Variants in LPCAT1 observed in about 807,000 individuals in gnomAD.
LPCAT1 encodes 1-acylglycerol-3-phosphate O-acyltransferase.
In LPCAT1, 23 loss-of-function variants were observed where a neutral mutation model predicts 60.9. The observed-to-expected ratio is 0.38, with a 90% CI of 0.27 to 0.53. The LOEUF is 0.53. Among genes scored for constraint, LPCAT1 ranks in the 20% least tolerant of loss-of-function variants. The pLI is 0.82. For synonymous variants in LPCAT1, 340 were observed against 301.1 expected (o/e 1.13, Z -1.34); for missense variants, 622 against 723.6 (o/e 0.86, Z 1.61).
rs1736036177 is a variant in LPCAT1 at position 1,502,037 on chromosome 5, G to A, written c.136-434C>T. ...GACCGGCACTGACCAAGGCTGACCG[G>A]TGCTGATGCCGACCAGCCCTCACCA... On this transcript the variant is annotated intron_variant, in intron 1 of 13. Transcript: ENST00000283415. This position sits in a 1 kb window ranked among gnomAD's most constrained non-coding sequence, Gnocchi z 5.5. Among the ~76,000 whole-genome samples the A allele has an allele frequency of 6.6e-6, 1 of 152,222 alleles. No homozygotes were observed. Among genetic ancestry groups the A allele is most frequent in the Non-Finnish European group, 1.5e-5 (1 of 68,020 alleles).
intron 6 of LPCAT1, among the ~76,000 whole-genome samples, chr5:1,482,256 C>CCTGAGCT (rs1735175763): frequency 6.6e-6 from 1 of 151,396 alleles, no homozygotes; most frequent in African/African-American, 2.4e-5. Context: ...AAATGAATGC[C>CCTGAGCT]CTGAGCTCGG....
chr5:1,483,407 C>A lies in LPCAT1; in HGVS notation c.726+21G>T. 1 of 1,613,420 alleles carries A rather than the reference C, an allele frequency of 6.2e-7. No homozygotes were observed. Among genetic ancestry groups the A allele is most frequent in the South Asian group, 1.1e-5 (1 of 91,080 alleles). ...CCCGGAGAATTCCCCTGGAAGCTGA[C>A]CCCAAAAAAACACAACTCACCAGTT... On this transcript the variant is annotated intron_variant, in intron 6 of 13. Coordinates refer to ENST00000283415, the MANE Select transcript of LPCAT1 (RefSeq NM_024830.5). The surrounding 1 kb of genome is among the most constrained non-coding windows in gnomAD (Gnocchi z 9.2).
rs974264801 is a variant in LPCAT1 at position 1,495,121 on chromosome 5, C to A, written c.279-207G>T. Reference sequence around the variant, plus strand: ...CGCCTGTGTCCTCGCTGGCTGCGCTCTCACCTACGAAGGAGGCCGCGGGGC... The same window carrying A: ...CGCCTGTGTCCTCGCTGGCTGCGCTATCACCTACGAAGGAGGCCGCGGGGC... On this transcript the variant is annotated intron_variant, in intron 2 of 13. Transcript: ENST00000283415. The surrounding 1 kb of genome is among the most constrained non-coding windows in gnomAD (Gnocchi z 4.7). Among the ~76,000 whole-genome samples the A allele has an allele frequency of 2.6e-5, 4 of 152,220 alleles. No individual in the cohort carries two copies. The highest frequency in any genetic ancestry group is 5.9e-5 in the Non-Finnish European group (4 of 68,040).
intron 5 of LPCAT1, among the ~76,000 whole-genome samples, chr5:1,485,721 C>T (rs1427920299): frequency 6.6e-6 from 1 of 151,442 alleles, no homozygotes; most frequent in Non-Finnish European, 1.5e-5. Context: ...GAGGCCGCTG[C>T]GGCCCAGGGA....
At position 1,523,819 on chromosome 5, in the gene LPCAT1, CG is replaced by C; in HGVS notation, c.25del (p.Arg9GlyfsTer41). On this transcript the variant is annotated frameshift_variant, in exon 1 of 14. Coordinates refer to ENST00000283415, the MANE Select transcript of LPCAT1 (RefSeq NM_024830.5). LOFTEE classifies it high-confidence loss of function. The surrounding 1 kb of genome is among the most constrained non-coding windows in gnomAD (Gnocchi z 7.1). ...CCCTGCGCTGGAGGCAGGGGCGGCC[CG>C]GGGTCCGCATCCCCGCAGCCTCATG... Reference protein sequence around the residue: MRLRGCGPRAAPASSAGAS... With the variant: MRLRGCGPXAAPASSAGAS... 2.8e-6 allele frequency: 3 copies of C among 1,086,764 alleles called. No homozygotes were observed. The highest frequency in any genetic ancestry group is 5.6e-5 in the East Asian group (1 of 17,762). 67.3% of individuals were successfully genotyped at this position (1,086,764 alleles called of 1,614,324 possible).
At chr5:1,470,114 G>T (rs1466023853) in intron 12 of LPCAT1, among the ~76,000 whole-genome samples, 2 of 152,270 alleles carry the variant, frequency 1.3e-5, no homozygotes, top group Non-Finnish European at 2.9e-5. Flanking sequence ...TCAGGCCCTT[G>T]AGAGTCTGGC....
chr5:1,483,664 C>A lies in LPCAT1; in HGVS notation c.668-178G>T, dbSNP rs552951050. 3.3e-4 allele frequency among the ~76,000 whole-genome samples: 51 copies of A among 152,358 alleles called. No homozygotes were observed. The highest frequency in any genetic ancestry group is 1.2e-3 in the African/African-American group (51 of 41,580). The stretch of plus-strand genomic sequence containing the variant: ...CTGTCCTGACCGTAAACACCCAGCG[C>A]CACAGCACGGATGGGCAGGAACATC... On this transcript the variant is annotated intron_variant, in intron 5 of 13. Transcript: ENST00000283415. This position sits in a 1 kb window ranked among gnomAD's most constrained non-coding sequence, Gnocchi z 9.2.
intron 8 of LPCAT1, among the ~76,000 whole-genome samples, chr5:1,479,324 G>C (rs1431767940): frequency 6.6e-6 from 1 of 152,244 alleles, no homozygotes; most frequent in Non-Finnish European, 1.5e-5. Flanking sequence ...CGAGGCTGCA[G>C]TGAGCCCATC....
In LPCAT1 at chr5:1,496,242, T is replaced by C. The variant is rs539492404; in HGVS notation, c.279-1328A>G. Among the ~76,000 whole-genome samples, 1 of 151,902 alleles carries C rather than the reference T, an allele frequency of 6.6e-6. No homozygotes were observed. Among genetic ancestry groups the C allele is most frequent in the African/African-American group, 2.4e-5 (1 of 41,338 alleles). The stretch of plus-strand genomic sequence containing the variant: ...TGGGCATGGTGGCAGGCGTCTGTAA[T>C]CCCAGCCACTCAGGAGGCTGAGGCA... On this transcript the variant is annotated intron_variant, in intron 2 of 13. Coordinates refer to ENST00000283415, the MANE Select transcript of LPCAT1 (RefSeq NM_024830.5). This position sits in a 1 kb window ranked among gnomAD's most constrained non-coding sequence, Gnocchi z 4.7.
At chr5:1,503,101 G>A (rs1031895025) in intron 1 of LPCAT1, among the ~76,000 whole-genome samples, 2 of 152,170 alleles carry the variant, frequency 1.3e-5, no homozygotes, top group East Asian at 3.9e-4. Flanking sequence ...CCAGTGGTCA[G>A]GTCAGCCTGT....
At position 1,521,258 on chromosome 5, in the gene LPCAT1, G is replaced by A. The variant is rs1736669017; in HGVS notation, c.135+2452C>T. 1.2e-6 allele frequency: 1 copy of A among 848,630 alleles called. No individual in the cohort carries two copies. Among genetic ancestry groups the A allele is most frequent in the Non-Finnish European group, 1.4e-6 (1 of 705,376 alleles). The allele number at this position is 848,630 out of a possible 1,614,324, so 52.6% of individuals were successfully genotyped here. A position where few individuals can be genotyped will look rare whatever the true frequency, so the allele number is the denominator to read the frequency against. On this transcript the variant is annotated intron_variant, in intron 1 of 13. Coordinates refer to ENST00000283415, the MANE Select transcript of LPCAT1 (RefSeq NM_024830.5). The surrounding 1 kb of genome is among the most constrained non-coding windows in gnomAD (Gnocchi z 4.3). ...TAAATGACAGATGGGCTGGCTGGAG[G>A]AGGAGGTGTCCCCGCATGGCGCTAA...
At chr5:1,488,489 G>A (rs372153630) in intron 4 of LPCAT1, 38 bp from the exon 5 acceptor site, 52 of 1,354,454 alleles carry the variant, frequency 3.8e-5, no homozygotes, top group Non-Finnish European at 5.0e-5. Context: ...GCATTAAACT[G>A]TACATAATTA....
chr5:1,504,870 G>A (rs2927664), intron 1 of LPCAT1, among the ~76,000 whole-genome samples: 2 of 148,702 alleles, frequency 1.3e-5, no homozygotes, highest in Non-Finnish European at 3.0e-5. Flanking sequence ...TCTGACCCTG[G>A]GGCCACGGCA....
Position 1,495,104 on chromosome 5 carries a change from T to C in LPCAT1, c.279-190A>G, listed in dbSNP as rs36994. Among the ~76,000 whole-genome samples, 23,392 of 152,092 alleles carry C rather than the reference T, an allele frequency of 0.15. 2,181 individuals carry two copies. Among genetic ancestry groups the C allele is most frequent in the African/African-American group, 0.26 (10,659 of 41,452 alleles). Reference sequence around the variant, plus strand: ...CGCGCCTTCCTGGCCTCCGCCTGTGTCCTCGCTGGCTGCGCTCTCACCTAC... The same window carrying C: ...CGCGCCTTCCTGGCCTCCGCCTGTGCCCTCGCTGGCTGCGCTCTCACCTAC... On this transcript the variant is annotated intron_variant, in intron 2 of 13. Coordinates refer to ENST00000283415, the MANE Select transcript of LPCAT1 (RefSeq NM_024830.5). This position sits in a 1 kb window ranked among gnomAD's most constrained non-coding sequence, Gnocchi z 4.7.
intron 9 of LPCAT1, among the ~76,000 whole-genome samples, chr5:1,475,443 C>T (rs551110803): frequency 1.8e-4 from 28 of 152,338 alleles, no homozygotes; most frequent in Middle Eastern, 6.8e-3. Flanking sequence ...GGGCCATCCC[C>T]GGCCTCTCCT....
intron 8 of LPCAT1, among the ~76,000 whole-genome samples, chr5:1,478,950 CT>C: frequency 6.6e-6 from 1 of 152,340 alleles, no homozygotes; most frequent in Non-Finnish European, 1.5e-5. Context: ...GGATCTTTGA[CT>C]ATGTATTAAA....
chr5:1,516,441 C>T lies in LPCAT1; in HGVS notation c.135+7269G>A, dbSNP rs994495321. Among the ~76,000 whole-genome samples, 5 of 152,300 alleles carry T rather than the reference C, an allele frequency of 3.3e-5. No individual in the cohort carries two copies. In the Middle Eastern group the frequency reaches 0.01, roughly 311 times the overall value. ...AGCCTAGGAGAACAAACAGACTCCA[C>T]TCTAAGGAGCCCAGGCATTCCATGC... On this transcript the variant is annotated intron_variant, in intron 1 of 13. Transcript: ENST00000283415.
In LPCAT1 at chr5:1,521,651, G is replaced by A. The variant is rs1736681247; in HGVS notation, c.135+2059C>T. On this transcript the variant is annotated intron_variant, in intron 1 of 13. Transcript: ENST00000283415. The surrounding 1 kb of genome is among the most constrained non-coding windows in gnomAD (Gnocchi z 4.3). ...ATGTACAAACACACCTAATTCCTCA[G>A]ATGGAACCTCTGAAGTGGCAACAAA... Among the ~76,000 whole-genome samples, 1 of 152,206 alleles carries A rather than the reference G, an allele frequency of 6.6e-6. No individual in the cohort carries two copies. The highest frequency in any genetic ancestry group is 1.5e-5 in the Non-Finnish European group (1 of 68,036).
chr5:1,465,708 AAC>A (rs1023075035), intron 13 of LPCAT1, among the ~76,000 whole-genome samples: 35 of 152,220 alleles, frequency 2.3e-4, no homozygotes, highest in Admixed American at 3.9e-4. Context: ...GCACACACAC[AAC>A]ACACATGCAC....
Sources: allele counts gnomAD v4.1 joint callset (sites outside exome capture counted in the v4.1 genomes callset), GRCh38; gene constraint gnomAD v4.1.1; non-coding constraint Gnocchi (gnomAD v3.1); transcripts MANE v1.5; gene names NCBI Gene and HGNC (gene_info 2026-07-23, HGNC 2026-07-21).